Variants in ADIPOR2 observed in about 807,000 individuals in gnomAD.
ADIPOR2 encodes the protein adiponectin receptor 2.
Under a neutral mutation model 40.9 loss-of-function variants are expected in ADIPOR2, and 18 were observed. The observed-to-expected ratio is 0.44, with a 90% CI of 0.30 to 0.65. ADIPOR2 has a LOEUF of 0.65. Among genes scored for constraint, ADIPOR2 ranks in the 30% least tolerant of loss-of-function variants. The pLI, the probability that ADIPOR2 is intolerant of heterozygous loss-of-function variation, is 0.09. For missense variants in ADIPOR2, 283 were observed against 479.2 expected, an observed-to-expected ratio of 0.59 and a Z score of 3.82; for synonymous variants, 165 against 166.4, an observed-to-expected ratio of 0.99 and a Z score of 0.06.
At chr12:1,727,218 G>A (rs2094709640) in intron 1 of ADIPOR2, among the ~76,000 whole-genome samples, 1 of 152,164 alleles carries the variant, frequency 6.6e-6, no homozygotes, top group Non-Finnish European at 1.5e-5. Context: ...CTTAGAGCTT[G>A]TAGGTCAAGT....
intron 1 of ADIPOR2, among the ~76,000 whole-genome samples, chr12:1,751,675 C>T (rs755797908): frequency 1.9e-4 from 29 of 151,868 alleles, no homozygotes; most frequent in Non-Finnish European, 3.5e-4. Context: ...CCACCACACC[C>T]GGCTAATTAA....
At chr12:1,767,241 A>G (rs1862400647) in intron 2 of ADIPOR2, among the ~76,000 whole-genome samples, 1 of 143,768 alleles carries the variant, frequency 7.0e-6, no homozygotes, top group South Asian at 2.2e-4. Context: ...ATCACACTCC[A>G]GCCTGGAGGA....
chr12:1,721,722 C>T lies in ADIPOR2; in HGVS notation c.-87+30531C>T, dbSNP rs2094698298. Among the ~76,000 whole-genome samples, 6 of 152,188 alleles carry T rather than the reference C, an allele frequency of 3.9e-5. No homozygotes were observed. The South Asian group carries it at 8.3e-4, about 21-fold the overall frequency. On this transcript the variant is annotated intron_variant, in intron 1 of 7. Transcript: ENST00000357103. ...GAGACTGAGGGGTTGCTTTACATTG[C>T]ATTGTCAGGGAAGGATCCTTTGAGT... is the stretch of plus-strand genomic sequence containing the variant.
intron 2 of ADIPOR2, among the ~76,000 whole-genome samples, chr12:1,768,831 G>A (rs542168913): frequency 6.6e-6 from 1 of 152,262 alleles, no homozygotes; most frequent in African/African-American, 2.4e-5. Flanking sequence ...ATGGCGGGAG[G>A]GGGGAGATAT....
At chr12:1,740,807 T>G (rs2094741362) in intron 1 of ADIPOR2, among the ~76,000 whole-genome samples, 2 of 152,096 alleles carry the variant, frequency 1.3e-5, no homozygotes, top group Non-Finnish European at 2.9e-5. Flanking sequence ...AGGCTGGTGG[T>G]TTAGTTGAGA....
At chr12:1,757,514 G>T in intron 2 of ADIPOR2, 1 of 780,690 alleles carries the variant, frequency 1.3e-6, no homozygotes, top group Non-Finnish European at 2.3e-6. Flanking sequence ...TGATGAAATT[G>T]GTAATCTTGC....
intron 3 of ADIPOR2, among the ~76,000 whole-genome samples, chr12:1,773,263 TAGTC>T (rs1019938442): frequency 4.8e-4 from 73 of 152,322 alleles, no homozygotes; most frequent in African/African-American, 1.7e-3. Context: ...GAATGAAACA[TAGTC>T]AGAAGTGGTT....
intron 1 of ADIPOR2, among the ~76,000 whole-genome samples, chr12:1,731,355 A>C (rs2094719904): frequency 6.6e-6 from 1 of 152,202 alleles, no homozygotes; most frequent in Admixed American, 6.5e-5. Flanking sequence ...GGGAAAATAC[A>C]CGTAACATAA....
chr12:1,756,303 A>G (rs910038734), intron 2 of ADIPOR2, among the ~76,000 whole-genome samples: 11 of 152,078 alleles, frequency 7.2e-5, no homozygotes, highest in Non-Finnish European at 1.5e-4. Flanking sequence ...GGCCTGCGCA[A>G]CCACATCCGG....
intron 1 of ADIPOR2, among the ~76,000 whole-genome samples, chr12:1,716,101 T>C (rs1391767994): frequency 1.3e-5 from 2 of 152,198 alleles, no homozygotes; most frequent in African/African-American, 4.8e-5. Flanking sequence ...GCTTCATTCT[T>C]GAAGTCAGCG....
chr12:1,783,167 A>C (rs1230213536), intron 6 of ADIPOR2, among the ~76,000 whole-genome samples: 2 of 151,192 alleles, frequency 1.3e-5, no homozygotes, highest in African/African-American at 4.9e-5. Flanking sequence ...AGGTGATGCC[A>C]GGTGATGTGA....
intron 1 of ADIPOR2, among the ~76,000 whole-genome samples, chr12:1,745,538 A>AT (rs2094753169): frequency 6.6e-6 from 1 of 152,138 alleles, no homozygotes; most frequent in Non-Finnish European, 1.5e-5. Flanking sequence ...AACGGGATGA[A>AT]TTTTTTCCTA....
chr12:1,704,924 A>G (rs2154441540), intron 1 of ADIPOR2, among the ~76,000 whole-genome samples: 1 of 152,338 alleles, frequency 6.6e-6, no homozygotes, highest in South Asian at 2.1e-4. Flanking sequence ...GATTGTAGAT[A>G]CAAGTTTATT....
At chr12:1,772,985 T>C in intron 3 of ADIPOR2, 24 bp downstream of exon 3, 1 of 1,611,184 alleles carries the variant, frequency 6.2e-7, no homozygotes, top group Non-Finnish European at 8.5e-7. Flanking sequence ...TTCTTGTCAT[T>C]GTCATGCTAT....
chr12:1,764,851 A>G (rs1405592683), intron 2 of ADIPOR2, among the ~76,000 whole-genome samples: 3 of 151,980 alleles, frequency 2.0e-5, no homozygotes, highest in Middle Eastern at 6.8e-3. Context: ...ATTCATCTGT[A>G]TTTTCTGGGT....
chr12:1,698,574 C>T (rs952253116), intron 1 of ADIPOR2, among the ~76,000 whole-genome samples: 1 of 152,064 alleles, frequency 6.6e-6, no homozygotes, highest in Non-Finnish European at 1.5e-5. Flanking sequence ...ACATCTGCAT[C>T]TACTCTCTTC....
At chr12:1,758,018 G>T in intron 2 of ADIPOR2, 1 of 804,258 alleles carries the variant, frequency 1.2e-6, no homozygotes, top group Non-Finnish European at 2.2e-6. Flanking sequence ...CCATGGCTGC[G>T]TTAGGCAGGG....
chr12:1,724,033 G>C (rs2094702985), intron 1 of ADIPOR2, among the ~76,000 whole-genome samples: 1 of 151,686 alleles, frequency 6.6e-6, no homozygotes, highest in Non-Finnish European at 1.5e-5. Flanking sequence ...CCGGGCTGAA[G>C]TGCAATGGTG....
chr12:1,777,480 G>A (rs1350005371), intron 3 of ADIPOR2, among the ~76,000 whole-genome samples: 1 of 147,366 alleles, frequency 6.8e-6, no homozygotes, highest in Non-Finnish European at 1.5e-5. Context: ...TCCGCCTCCC[G>A]GGTTCAAGCA....
Sources: gnomAD v4.1 joint callset for allele counts (sites outside exome capture counted in the v4.1 genomes callset) on GRCh38, gnomAD v4.1.1 for gene constraint, MANE v1.5 for transcripts, NCBI Gene and HGNC (gene_info 2026-07-23, HGNC 2026-07-21) for gene names.